Variants in HACE1 observed in about 807,000 individuals in gnomAD.
The protein encoded by HACE1 is HECT domain and ankyrin repeat containing E3 ubiquitin protein ligase 1.
In HACE1, 73 loss-of-function variants were observed where a neutral mutation model predicts 118.4. The ratio of observed to expected loss-of-function variants is 0.62; its 90% CI spans 0.51 to 0.75. HACE1 has a LOEUF of 0.75. Among genes scored for constraint, HACE1 ranks in the 30% least tolerant of loss-of-function variants. HACE1 has a pLI of 0.00. For synonymous variants in HACE1, 368 were observed against 374.8 expected (o/e 0.98, Z 0.21); for missense variants, 749 against 1,102.2 (o/e 0.68, Z 4.54).
At chr6:104,813,893 C>A (rs1021738436) in intron 6 of HACE1, among the ~76,000 whole-genome samples, 1 of 137,320 alleles carries the variant, frequency 7.3e-6, no homozygotes, top group African/African-American at 2.9e-5. Flanking sequence ...TAACTGATAA[C>A]CTCGAACAGA....
chr6:104,784,362 T>C (rs892359946), intron 13 of HACE1, 55 bp downstream of exon 13: 1 of 1,177,472 alleles, frequency 8.5e-7, no homozygotes, highest in African/African-American at 1.5e-5. Flanking sequence ...TAGATGAAAC[T>C]GTAAGTAAAG....
intron 22 of HACE1, among the ~76,000 whole-genome samples, chr6:104,739,807 C>T (rs1044939355): frequency 1.3e-5 from 2 of 151,620 alleles, no homozygotes; most frequent in Non-Finnish European, 2.9e-5. Context: ...CAGCTCTGCA[C>T]CAAGCGGACC....
At chr6:104,793,197 G>A (rs1292171893) in intron 10 of HACE1, among the ~76,000 whole-genome samples, 2 of 151,074 alleles carry the variant, frequency 1.3e-5, no homozygotes, top group South Asian at 2.1e-4. Flanking sequence ...AACCCGGGAG[G>A]TGGAGCTCGC....
rs576673443 is a variant in HACE1, at chr6:104,813,218, T to C, written c.535-1825A>G. Among the ~76,000 whole-genome samples the C allele has an allele frequency of 2.9e-5, 4 of 138,064 alleles. 1 individual carries two copies. The highest frequency in any genetic ancestry group is 6.2e-5 in the Non-Finnish European group (4 of 64,260). The allele number at this position is 138,064 out of a possible 152,430, so 90.6% of individuals were successfully genotyped here. ...AACAGCTCAGTTCATCCAGACATGG[T>C]GGCTCATGCCTGTAATTCTAAGACT... On this transcript the variant is annotated intron_variant, in intron 6 of 23. Transcript: ENST00000262903.
intron 1 of HACE1, among the ~76,000 whole-genome samples, chr6:104,857,204 T>TATATATTTACATATATATTTAC (rs773136742): frequency 1.8e-5 from 2 of 109,132 alleles, no homozygotes; most frequent in Non-Finnish European, 4.2e-5. Flanking sequence ...TATATTTACA[T>TATATATTTACATATATATTTAC]ATATATATAT....
At chr6:104,733,073 A>C (rs1489162218) in intron 22 of HACE1, among the ~76,000 whole-genome samples, 1 of 152,264 alleles carries the variant, frequency 6.6e-6, no homozygotes, top group Non-Finnish European at 1.5e-5. Flanking sequence ...TAAAAAATTA[A>C]TAACGTGACC....
At chr6:104,812,064 T>C (rs1771683209) in intron 6 of HACE1, among the ~76,000 whole-genome samples, 1 of 151,828 alleles carries the variant, frequency 6.6e-6, no homozygotes, top group Admixed American at 6.6e-5. Flanking sequence ...TACTATAAAA[T>C]CTTAAAAATA....
intron 5 of HACE1, among the ~76,000 whole-genome samples, chr6:104,834,431 C>G (rs1774324349): frequency 6.6e-6 from 1 of 152,148 alleles, no homozygotes; most frequent in South Asian, 2.1e-4. Context: ...ACCTATAAGT[C>G]TACCACTCAA....
At chr6:104,776,872 T>G in intron 16 of HACE1, 44 bp from the exon 17 acceptor site, 1 of 1,445,494 alleles carries the variant, frequency 6.9e-7, no homozygotes. Context: ...AAATATGTTA[T>G]ATTGGGAAAT....
intron 22 of HACE1, among the ~76,000 whole-genome samples, chr6:104,742,506 G>T (rs1168417641): frequency 1.3e-4 from 19 of 150,950 alleles, no homozygotes; most frequent in Non-Finnish European, 2.2e-4. Context: ...GCAAAGGACA[G>T]GAACAGACAC....
At chr6:104,822,582 C>G (rs920550788) in intron 6 of HACE1, among the ~76,000 whole-genome samples, 17 of 151,890 alleles carry the variant, frequency 1.1e-4, no homozygotes, top group Middle Eastern at 3.4e-3. Context: ...GTAGGCCGAG[C>G]GCGGTGGCTC....
chr6:104,769,114 A>C (rs1780346678), intron 19 of HACE1, among the ~76,000 whole-genome samples: 2 of 151,946 alleles, frequency 1.3e-5, no homozygotes, highest in Admixed American at 1.3e-4. Flanking sequence ...GGCTCACTGT[A>C]GCCTCAACCT....
intron 19 of HACE1, among the ~76,000 whole-genome samples, chr6:104,756,759 C>A (rs572010400): frequency 6.6e-6 from 1 of 152,306 alleles, no homozygotes; most frequent in East Asian, 1.9e-4. Context: ...ACCCGGGAAG[C>A]GCAAGGGGTC....
At chr6:104,769,821 C>T (rs1224773171) in intron 19 of HACE1, among the ~76,000 whole-genome samples, 1 of 152,090 alleles carries the variant, frequency 6.6e-6, no homozygotes, top group East Asian at 1.9e-4. Flanking sequence ...CAACTCCTGA[C>T]TTTATTTCCA....
intron 6 of HACE1, among the ~76,000 whole-genome samples, chr6:104,820,194 C>CAAAAA (rs60172674): frequency 1.7e-5 from 1 of 58,868 alleles, no homozygotes; most frequent in African/African-American, 5.9e-5. Flanking sequence ...GACTCCGTCT[C>CAAAAA]AAAAAAAAAA....
At chr6:104,787,157 C>G (rs1453656054) in intron 11 of HACE1, 2 of 152,218 alleles carry the variant, frequency 1.3e-5, no homozygotes, top group Non-Finnish European at 2.9e-5. Flanking sequence ...AAAACCACCA[C>G]TACTACAATC....
chr6:104,820,492 C>CA (rs1450438422), intron 6 of HACE1, among the ~76,000 whole-genome samples: 3 of 151,860 alleles, frequency 2.0e-5, no homozygotes, highest in East Asian at 3.9e-4. Context: ...AACAAATTTA[C>CA]AAAAAAACAA....
intron 19 of HACE1, among the ~76,000 whole-genome samples, chr6:104,751,803 A>C (rs1032738943): frequency 2.0e-5 from 3 of 152,026 alleles, no homozygotes; most frequent in Admixed American, 6.6e-5. Flanking sequence ...TGAGTTAAAA[A>C]CAATATGCTA....
intron 7 of HACE1, among the ~76,000 whole-genome samples, chr6:104,801,541 A>C (rs1770351415): frequency 1.3e-5 from 2 of 152,222 alleles, no homozygotes; most frequent in South Asian, 4.1e-4. Context: ...TACAAGCCAG[A>C]AGAGAGTGGG....
Sources: allele counts gnomAD v4.1 joint callset (sites outside exome capture counted in the v4.1 genomes callset), GRCh38; gene constraint gnomAD v4.1.1; transcripts MANE v1.5; gene names NCBI Gene and HGNC (gene_info 2026-07-23, HGNC 2026-07-21).